The following ZYG11A variants were observed in gnomAD, a reference collection of about 807,000 sequenced individuals.
ZYG11A encodes protein zyg-11 homolog A.
ZYG11A carries 62 observed loss-of-function variants against 77.2 expected under a neutral mutation model. The observed-to-expected ratio is 0.80, with a 90% CI of 0.65 to 0.99. ZYG11A has a LOEUF of 0.99. Ranked by LOEUF, ZYG11A falls within the 50% of genes least tolerant of loss-of-function variation. The probability of loss-of-function intolerance (pLI) is 0.00; values close to 1 mark genes in which losing one functional copy is unlikely to be tolerated. For synonymous variants in ZYG11A, 315 were observed against 324.6 expected, an observed-to-expected ratio of 0.97 and a Z score of 0.32; for missense variants, 828 against 896.8, an observed-to-expected ratio of 0.92 and a Z score of 0.98.
In ZYG11A at chr1:52,842,920, A is replaced by C; in HGVS notation, c.37A>C (p.Asn13His). 6.5e-7 allele frequency: 1 copy of C among 1,529,440 alleles called. No individual in the cohort carries two copies. Among genetic ancestry groups the C allele is most frequent in the Non-Finnish European group, 8.8e-7 (1 of 1,137,794 alleles). 94.7% of individuals were successfully genotyped at this position (1,529,440 alleles called of 1,614,324 possible). Residue 13 changes from asparagine (N) to histidine (H), a missense_variant, in exon 1 of 14, where the codon AAC becomes CAC. By Grantham distance (68) the Asn-to-His change is moderately conservative. Transcript: ENST00000371528. Reference sequence around the variant, plus strand: ...CTTGCACCCGGGCCACACGCCCCGGAACATCGTCCCTCCTGACGCTCAGAA... The same window carrying C: ...CTTGCACCCGGGCCACACGCCCCGGCACATCGTCCCTCCTGACGCTCAGAA... ...HFLHPGHTPR[N>H]IVPPDAQKDA...
intron 1 of ZYG11A, among the ~76,000 whole-genome samples, chr1:52,849,684 ATT>A (rs1309190086): frequency 1.1e-5 from 1 of 94,086 alleles, no homozygotes; most frequent in Non-Finnish European, 2.5e-5. Flanking sequence ...TCAATTATAC[ATT>A]TCTTTTTTTT....
chr1:52,871,164 C>A (rs115442202), intron 8 of ZYG11A, among the ~76,000 whole-genome samples: 258 of 152,230 alleles, frequency 1.7e-3, no homozygotes, highest in Middle Eastern at 3.4e-3. Flanking sequence ...GAGACTTGAT[C>A]TCATCCTGTG....
At chr1:52,882,622 C>A (rs1646381380) in intron 11 of ZYG11A, among the ~76,000 whole-genome samples, 1 of 152,144 alleles carries the variant, frequency 6.6e-6, no homozygotes, top group Admixed American at 6.6e-5. Flanking sequence ...CTTTATTTTA[C>A]CCTCACATTT....
At chr1:52,860,568 A>G (rs1645908646) in intron 3 of ZYG11A, among the ~76,000 whole-genome samples, 163 bp from the exon 4 acceptor site, 1 of 152,184 alleles carries the variant, frequency 6.6e-6, no homozygotes, top group African/African-American at 2.4e-5. Context: ...AAGTGCTGGG[A>G]TTACAGGCGT....
At position 52,842,843 on chromosome 1, in the gene ZYG11A, G is replaced by C. The variant is rs1167392488; in HGVS notation, c.-41G>C. 55 of 1,517,594 alleles carry C rather than the reference G, an allele frequency of 3.6e-5. No individual in the cohort carries two copies. The highest frequency in any genetic ancestry group is 1.8e-4 in the Middle Eastern group (1 of 5,532). The allele number at this position is 1,517,594 out of a possible 1,614,324, so 94.0% of individuals were successfully genotyped here. On this transcript the variant is annotated 5_prime_UTR_variant, in exon 1 of 14. Coordinates refer to ENST00000371528, the MANE Select transcript of ZYG11A (RefSeq NM_001004339.3). ...TCTCGCGGGATCCGGGCTCCGGCTC[G>C]ACGCCGGCTCTCTTTTTGACGCCCC... is the stretch of plus-strand genomic sequence containing the variant.
intron 3 of ZYG11A, among the ~76,000 whole-genome samples, chr1:52,860,095 A>G (rs778132386): frequency 7.2e-5 from 11 of 152,348 alleles, no homozygotes; most frequent in Admixed American, 2.6e-4. Flanking sequence ...GTATTTCCAT[A>G]TAAATCATAA....
At chr1:52,853,792 C>T (rs966856968) in intron 1 of ZYG11A, among the ~76,000 whole-genome samples, 2 of 152,010 alleles carry the variant, frequency 1.3e-5, no homozygotes, top group Non-Finnish European at 2.9e-5. Context: ...CTTGTAGTCC[C>T]AGTTACTCAG....
At chr1:52,885,292 C>T (rs187374159) in intron 11 of ZYG11A, among the ~76,000 whole-genome samples, 104 of 133,402 alleles carry the variant, frequency 7.8e-4, no homozygotes, top group African/African-American at 2.9e-3. Context: ...TAGGGGTTCT[C>T]TTCAAATTGG....
intron 1 of ZYG11A, 72 bp downstream of exon 1, chr1:52,843,045 CCTG>C: frequency 7.5e-7 from 1 of 1,340,568 alleles, no homozygotes; most frequent in Non-Finnish European, 1.0e-6. Flanking sequence ...CGGCGAGTCT[CCTG>C]GGACGCTGCC....
At chr1:52,867,869 C>T (rs1183807132) in intron 8 of ZYG11A, 92 bp downstream of exon 8, 2 of 1,085,276 alleles carry the variant, frequency 1.8e-6, no homozygotes, top group African/African-American at 3.2e-5. Flanking sequence ...TCCAAAAGGC[C>T]TATTAAGGTG....
At chr1:52,855,784 A>G (rs1645798746) in intron 2 of ZYG11A, among the ~76,000 whole-genome samples, 1 of 152,222 alleles carries the variant, frequency 6.6e-6, no homozygotes, top group African/African-American at 2.4e-5. Flanking sequence ...TGGACATACC[A>G]CATTGTATTT....
At chr1:52,884,639 A>T (rs1646416899) in intron 11 of ZYG11A, among the ~76,000 whole-genome samples, 1 of 152,094 alleles carries the variant, frequency 6.6e-6, no homozygotes, top group Non-Finnish European at 1.5e-5. Flanking sequence ...GGGCAACAAG[A>T]GTGAAAATTC....
At chr1:52,844,781 A>C (rs1645531137) in intron 1 of ZYG11A, among the ~76,000 whole-genome samples, 1 of 151,904 alleles carries the variant, frequency 6.6e-6, no homozygotes, top group South Asian at 2.1e-4. Flanking sequence ...AATATTTTTT[A>C]AAACTTTATA....
intron 1 of ZYG11A, among the ~76,000 whole-genome samples, chr1:52,844,922 A>G (rs499239): frequency 0.65 from 98,953 of 151,916 alleles, 33,395 homozygotes; most frequent in African/African-American, 0.79. Context: ...ACACAGTCAT[A>G]TTATTTTCTT....
In ZYG11A at chr1:52,857,536, T is replaced by A; in HGVS notation, c.795T>A (p.Asp265Glu). Reference sequence around the variant, plus strand: ...GTCTGCTTCACCTTGATATTTCTGATCACAGGCAACTCAAATCAGACCTAG... The same window carrying A: ...GTCTGCTTCACCTTGATATTTCTGAACACAGGCAACTCAAATCAGACCTAG... Reference protein sequence around the residue: ...LKCLLHLDISDHRQLKSDLAF... With the variant: ...LKCLLHLDISEHRQLKSDLAF... Residue 265 changes from aspartate (D) to glutamate (E), a missense_variant, in exon 3 of 14, where the codon GAT (aspartate) becomes GAA (glutamate). Coordinates refer to ENST00000371528, the MANE Select transcript of ZYG11A (RefSeq NM_001004339.3). 1 of 1,552,096 alleles carries A rather than the reference T, an allele frequency of 6.4e-7. No homozygotes were observed. The highest frequency in any genetic ancestry group is 8.7e-7 in the Non-Finnish European group (1 of 1,147,080).
At chr1:52,856,053 G>A (rs748609494) in intron 2 of ZYG11A, among the ~76,000 whole-genome samples, 10 of 152,200 alleles carry the variant, frequency 6.6e-5, no homozygotes, top group Admixed American at 3.3e-4. Flanking sequence ...ATTGTTTGTG[G>A]CTGTACTATT....
At chr1:52,846,310 TTATATATA>T (rs869093943) in intron 1 of ZYG11A, among the ~76,000 whole-genome samples, 229 of 35,634 alleles carry the variant, frequency 6.4e-3, no homozygotes, top group Middle Eastern at 0.011. Flanking sequence ...TTTTAAATTT[TTATATATA>T]TATATATATA....
intron 13 of ZYG11A, 25 bp from the exon 14 acceptor site, chr1:52,892,757 G>A (rs1646567571): frequency 1.3e-6 from 2 of 1,547,952 alleles, no homozygotes; most frequent in Non-Finnish European, 1.7e-6. Flanking sequence ...TGTCCATGGA[G>A]TGTCTCTGCT....
intron 8 of ZYG11A, among the ~76,000 whole-genome samples, chr1:52,868,326 G>C (rs900621439): frequency 7.2e-5 from 11 of 152,084 alleles, no homozygotes; most frequent in Non-Finnish European, 1.2e-4. Context: ...AGTTTTAGGT[G>C]TTACTGATTT....
Sources: allele counts gnomAD v4.1 joint callset (sites outside exome capture counted in the v4.1 genomes callset), GRCh38; gene constraint gnomAD v4.1.1; transcripts MANE v1.5; gene names NCBI Gene and HGNC (gene_info 2026-07-23, HGNC 2026-07-21).